SUFU: variants seen among roughly 807,000 people sequenced by gnomAD.
SUFU encodes the protein SUFU negative regulator of hedgehog signaling, also known as suppressor of fused homolog.
A neutral mutation model predicts 58.9 loss-of-function variants in SUFU; 7 were observed. The observed-to-expected ratio is 0.12, with a 90% CI of 0.07 to 0.22. The LOEUF is 0.22. Among genes scored for constraint, SUFU ranks in the 10% least tolerant of loss-of-function variants. SUFU has a pLI of 1.00. For missense variants in SUFU, 451 were observed against 641.3 expected (o/e 0.70, Z 3.20); for synonymous variants, 232 against 254.8 (o/e 0.91, Z 0.85).
chr10:102,562,011 AATCC>A (rs2063042975), intron 3 of SUFU, among the ~76,000 whole-genome samples: 4 of 152,272 alleles, frequency 2.6e-5, no homozygotes, highest in African/African-American at 9.6e-5. Flanking sequence ...GAGTTCCAGG[AATCC>A]ATCCATCATG....
chr10:102,617,077 T>C lies in SUFU; in HGVS notation c.1158-213T>C, dbSNP rs1377307640. Among the ~76,000 whole-genome samples, 2 of 152,228 alleles carry C rather than the reference T, an allele frequency of 1.3e-5. No individual in the cohort carries two copies. The highest frequency in any genetic ancestry group is 1.5e-5 in the Non-Finnish European group (1 of 68,042). ...TTTGAGCACTTTGGAAGGATGATGT[T>C]AGAGAACTTGTGAGAGGAGCTTCTC... On this transcript the variant is annotated intron_variant, in intron 9 of 11. Transcript: ENST00000369902. This position sits in a 1 kb window ranked among gnomAD's most constrained non-coding sequence, Gnocchi z 4.4.
Position 102,528,961 on chromosome 10 carries a change from C to CTTTT in SUFU, c.317+19672_317+19675dup, listed in dbSNP as rs33942579. ...TTCGCTGATGTGGCTTTTTTCCTTT[C>CTTTT]TTTTTTTTTTTTTTTTTAAGATTAT... On this transcript the variant is annotated intron_variant, in intron 2 of 11. Transcript: ENST00000369902. 2.1e-4 allele frequency among the ~76,000 whole-genome samples: 28 copies of CTTTT among 131,150 alleles called. No individual in the cohort carries two copies. In the South Asian group the frequency reaches 4.9e-3, roughly 23 times the overall value. The allele number at this position is 131,150 out of a possible 152,430, so 86.0% of individuals were successfully genotyped here.
intron 9 of SUFU, among the ~76,000 whole-genome samples, chr10:102,616,727 C>CAGCT (rs2063690439): frequency 6.6e-6 from 1 of 152,236 alleles, no homozygotes; most frequent in African/African-American, 2.4e-5. Context: ...CACTTGGCTT[C>CAGCT]AGCTTGCTTG....
intron 8 of SUFU, among the ~76,000 whole-genome samples, chr10:102,601,726 C>T (rs536838303): frequency 5.9e-5 from 9 of 152,292 alleles, no homozygotes; most frequent in Non-Finnish European, 1.2e-4. Flanking sequence ...GATCAGTGAG[C>T]GTGACGGTAA....
At chr10:102,614,000 C>T (rs1385139203) in intron 8 of SUFU, among the ~76,000 whole-genome samples, 1 of 152,230 alleles carries the variant, frequency 6.6e-6, no homozygotes, top group Non-Finnish European at 1.5e-5. Flanking sequence ...TGGTCTGACT[C>T]GTAAGAGCCC....
chr10:102,601,242 G>A (rs2063512694), intron 8 of SUFU, among the ~76,000 whole-genome samples: 1 of 152,092 alleles, frequency 6.6e-6, no homozygotes, highest in South Asian at 2.1e-4. Flanking sequence ...CCTGGCTTGG[G>A]GGCACTTCCA....
intron 10 of SUFU, among the ~76,000 whole-genome samples, chr10:102,621,507 G>T (rs1590087969): frequency 6.6e-6 from 1 of 152,026 alleles, no homozygotes; most frequent in South Asian, 2.1e-4. Context: ...GCTACCTGCC[G>T]CACCACACGC....
chr10:102,509,641 T>C (rs1224912812), intron 2 of SUFU, among the ~76,000 whole-genome samples: 1 of 152,182 alleles, frequency 6.6e-6, no homozygotes, highest in African/African-American at 2.4e-5. Context: ...TAGCTTATTA[T>C]GAAACATTTT....
intron 3 of SUFU, among the ~76,000 whole-genome samples, chr10:102,561,816 A>G (rs2063040477): frequency 6.6e-6 from 1 of 151,810 alleles, no homozygotes; most frequent in Admixed American, 6.6e-5. Flanking sequence ...CTACAGGTGC[A>G]TGCCACCACA....
intron 9 of SUFU, 103 bp downstream of exon 9, chr10:102,615,505 TCCAGGGCCTCCAAGGAG>T: frequency 6.4e-7 from 1 of 1,555,036 alleles, no homozygotes; most frequent in Non-Finnish European, 8.8e-7. Context: ...GCAGGCGTCC[TCCAGGGCCTCCAAGGAG>T]CCACCAGGCC....
At chr10:102,566,615 A>G (rs1300724325) in intron 3 of SUFU, among the ~76,000 whole-genome samples, 1 of 152,036 alleles carries the variant, frequency 6.6e-6, no homozygotes, top group Admixed American at 6.6e-5. Context: ...AATACAAAAA[A>G]TAAACCAGGC....
chr10:102,624,046 A>T (rs994020692), intron 10 of SUFU, among the ~76,000 whole-genome samples: 1 of 152,246 alleles, frequency 6.6e-6, no homozygotes, highest in Non-Finnish European at 1.5e-5. Context: ...TAAGGATTCA[A>T]TGAAATGACA....
chr10:102,623,315 A>G (rs961142653), intron 10 of SUFU, among the ~76,000 whole-genome samples: 3 of 152,286 alleles, frequency 2.0e-5, no homozygotes, highest in Admixed American at 1.3e-4. Context: ...CTGGCCTGGG[A>G]ATTTGCCCCA....
At chr10:102,536,939 T>C (rs183859274) in intron 2 of SUFU, among the ~76,000 whole-genome samples, 1 of 152,152 alleles carries the variant, frequency 6.6e-6, no homozygotes, top group Non-Finnish European at 1.5e-5. Context: ...GCCTCCCGAA[T>C]AGCTGGGACT....
rs2063823068 is a variant in SUFU, at chr10:102,629,977, C to G, written c.1366-89C>G. ...CGCGGCCTGTCCTATCCCTAGCTCC[C>G]CGGGGACAGGCCTGGGCAATCTCTG... On this transcript the variant is annotated intron_variant, in intron 11 of 11. Coordinates refer to ENST00000369902, the MANE Select transcript of SUFU (RefSeq NM_016169.4). This position sits in a 1 kb window ranked among gnomAD's most constrained non-coding sequence, Gnocchi z 4.7. 1.6e-6 allele frequency: 2 copies of G among 1,247,316 alleles called. No individual in the cohort carries two copies. The highest frequency in any genetic ancestry group is 2.4e-6 in the Non-Finnish European group (2 of 845,590). 77.3% of individuals were successfully genotyped at this position (1,247,316 alleles called of 1,614,324 possible). A position where few individuals can be genotyped will look rare whatever the true frequency, so the allele number is the denominator to read the frequency against.
chr10:102,546,323 T>C (rs1163937040), intron 2 of SUFU, among the ~76,000 whole-genome samples: 2 of 152,186 alleles, frequency 1.3e-5, no homozygotes, highest in African/African-American at 4.8e-5. Context: ...TTAGAACCCC[T>C]TACCCCCACT....
intron 2 of SUFU, among the ~76,000 whole-genome samples, chr10:102,546,088 G>C (rs971177031): frequency 6.6e-6 from 1 of 152,218 alleles, no homozygotes; most frequent in Non-Finnish European, 1.5e-5. Context: ...AGACCTTTGG[G>C]TGAGTTCTGA....
At chr10:102,560,536 C>T (rs1166487785) in intron 3 of SUFU, among the ~76,000 whole-genome samples, 1 of 152,100 alleles carries the variant, frequency 6.6e-6, no homozygotes, top group Non-Finnish European at 1.5e-5. Context: ...GAGCACGCCA[C>T]TGCACTCCAG....
chr10:102,620,565 T>C (rs144200403), intron 10 of SUFU, among the ~76,000 whole-genome samples: 5 of 152,284 alleles, frequency 3.3e-5, no homozygotes, highest in African/African-American at 1.2e-4. Flanking sequence ...GCTTTCACTT[T>C]CTGGAGAACA....
Sources: gnomAD v4.1 joint callset for allele counts (sites outside exome capture counted in the v4.1 genomes callset) on GRCh38, gnomAD v4.1.1 for gene constraint, Gnocchi (gnomAD v3.1) non-coding constraint, MANE v1.5 for transcripts, NCBI Gene and HGNC (gene_info 2026-07-23, HGNC 2026-07-21) for gene names.